The following NEXMIF variants were observed in gnomAD, a reference collection of about 807,000 sequenced individuals.
The protein encoded by NEXMIF is XLMR protein related to neurite extension.
In NEXMIF, 8 loss-of-function variants were observed where a neutral mutation model predicts 62.1. That is an observed-to-expected ratio of 0.13 (90% CI 0.08 to 0.23). The LOEUF is 0.23. Among genes scored for constraint, NEXMIF ranks in the 10% least tolerant of loss-of-function variants. NEXMIF has a pLI of 1.00. For synonymous variants in NEXMIF, 404 were observed against 416.6 expected, an observed-to-expected ratio of 0.97 and a Z score of 0.37; for missense variants, 976 against 1,113.3, an observed-to-expected ratio of 0.88 and a Z score of 1.75.
chrX:74,797,781 T>C (rs2080316810), intron 1 of NEXMIF, among the ~76,000 whole-genome samples: 1 of 111,933 alleles, frequency 8.9e-6, no homozygotes, highest in South Asian at 3.8e-4. Context: ...AAAGCTTTCC[T>C]TGGGCTTTCT....
At chrX:74,801,679 A>G (rs1428317210) in intron 1 of NEXMIF, among the ~76,000 whole-genome samples, 1 of 112,255 alleles carries the variant, frequency 8.9e-6, no homozygotes, top group African/African-American at 3.2e-5. Flanking sequence ...AGAAAAGCAA[A>G]GGGAAAAGTG....
intron 1 of NEXMIF, among the ~76,000 whole-genome samples, chrX:74,818,612 G>A (rs1459602340): frequency 8.9e-6 from 1 of 111,962 alleles, no homozygotes; most frequent in Non-Finnish European, 1.9e-5. Context: ...TGACATGTGG[G>A]ACCTAATTAA....
chrX:74,912,310 AACTC>A (rs2080793071), intron 1 of NEXMIF, among the ~76,000 whole-genome samples: 1 of 111,408 alleles, frequency 9.0e-6, no homozygotes, highest in African/African-American at 3.3e-5. Context: ...CCCTTTTCAC[AACTC>A]ACTCTTTTCT....
At chrX:74,810,991 C>T (rs191094249) in intron 1 of NEXMIF, among the ~76,000 whole-genome samples, 25 of 111,497 alleles carry the variant, frequency 2.2e-4, no homozygotes, top group African/African-American at 7.5e-4. Context: ...TATATATTAT[C>T]TCACTTAATA....
In NEXMIF at chrX:74,743,962, G is replaced by C; in HGVS notation, c.595C>G (p.Leu199Val). ...AAGCCTAGGAGCTGGTCTGAGAGCA[G>C]CTGCTCTCCATATTTCATATTTTCT... ...AGENMKYGEQ[L>V]LSDQLLGFPL... Residue 199 changes from leucine to valine, a missense_variant, in exon 3 of 4, where the codon CTG becomes GTG. Transcript: ENST00000055682. The C allele has an allele frequency of 1.7e-6, 2 of 1,211,327 alleles. No homozygotes were observed. Among genetic ancestry groups the C allele is most frequent in the Non-Finnish European group, 2.2e-6 (2 of 895,288 alleles).
chrX:74,764,015 G>A (rs770970171), intron 1 of NEXMIF, among the ~76,000 whole-genome samples: 5 of 111,589 alleles, frequency 4.5e-5, no homozygotes, highest in Admixed American at 3.8e-4. Context: ...TTGAATAGGA[G>A]TGGTGAGAGA....
intron 1 of NEXMIF, among the ~76,000 whole-genome samples, chrX:74,855,944 T>G (rs899207099): frequency 2.7e-5 from 3 of 112,046 alleles, no homozygotes; most frequent in African/African-American, 9.8e-5. Context: ...CCTGGGGAGA[T>G]AGGAAAAGAA....
intron 1 of NEXMIF, among the ~76,000 whole-genome samples, chrX:74,776,720 T>A: frequency 1.9e-5 from 1 of 51,429 alleles, no homozygotes; most frequent in Non-Finnish European, 3.4e-5. Context: ...AGAGCGAAAC[T>A]CAGTCTCAAA....
chrX:74,788,373 G>C (rs1267583702), intron 1 of NEXMIF, among the ~76,000 whole-genome samples: 1 of 111,256 alleles, frequency 9.0e-6, no homozygotes, highest in African/African-American at 3.3e-5. Context: ...ATTCATATTT[G>C]TATGATGTTA....
chrX:74,749,864 A>G (rs1375560255), intron 1 of NEXMIF, among the ~76,000 whole-genome samples: 1 of 112,266 alleles, frequency 8.9e-6, no homozygotes, highest in Non-Finnish European at 1.9e-5. Context: ...TGCTTATAAC[A>G]TGGTATGTAC....
chrX:74,794,948 C>G (rs747256289), intron 1 of NEXMIF, among the ~76,000 whole-genome samples: 1 of 111,945 alleles, frequency 8.9e-6, no homozygotes, highest in Non-Finnish European at 1.9e-5. Context: ...GTGTTGCTCA[C>G]GCTGGGAGCT....
chrX:74,914,346 G>T (rs1451296829), intron 1 of NEXMIF, among the ~76,000 whole-genome samples: 1 of 111,739 alleles, frequency 8.9e-6, no homozygotes, highest in African/African-American at 3.2e-5. Flanking sequence ...CCAGAGAAAT[G>T]AAAACTTATG....
At chrX:74,744,885 T>C in intron 2 of NEXMIF, among the ~76,000 whole-genome samples, 1 of 107,929 alleles carries the variant, frequency 9.3e-6, no homozygotes, top group Non-Finnish European at 1.9e-5. Flanking sequence ...TACAAGTTCC[T>C]TTTCTTTTCT....
chrX:74,799,578 T>C (rs1050747384), intron 1 of NEXMIF, among the ~76,000 whole-genome samples: 4 of 112,138 alleles, frequency 3.6e-5, no homozygotes, highest in Non-Finnish European at 3.8e-5. Flanking sequence ...CTTCCTCAAA[T>C]TGAGGGATCT....
chrX:74,819,870 A>G (rs964006139), intron 1 of NEXMIF, among the ~76,000 whole-genome samples: 1 of 112,128 alleles, frequency 8.9e-6, no homozygotes, highest in African/African-American at 3.2e-5. Context: ...TCATGCTACT[A>G]TAAAGACACA....
At chrX:74,752,322 G>A (rs1007709215) in intron 1 of NEXMIF, among the ~76,000 whole-genome samples, 7 of 110,595 alleles carry the variant, frequency 6.3e-5, no homozygotes, top group Non-Finnish European at 1.3e-4. Context: ...TGCTGGCGGC[G>A]ACAGGGCTCC....
intron 1 of NEXMIF, among the ~76,000 whole-genome samples, chrX:74,909,772 G>A (rs1177779085): frequency 2.7e-5 from 3 of 111,828 alleles, no homozygotes; most frequent in African/African-American, 9.8e-5. Context: ...TCTCCATGCT[G>A]TGTGCAGCCT....
chrX:74,741,733 C>T lies in NEXMIF; in HGVS notation c.2824G>A (p.Gly942Ser). Residue 942 changes from glycine to serine, a missense_variant, in exon 3 of 4, where the codon GGC (glycine) becomes AGC (serine). By Grantham distance (56) the Gly-to-Ser change is moderately conservative. This residue lies in a region of NEXMIF where 639 missense variants were observed against 694.5 expected (regional missense o/e 0.92). Transcript: ENST00000055682. ...TYNPICLNSG[G>S]SNCNKVLYDS... is the part of the protein sequence containing the mutation. ...TACAGGACCTTGTTGCAATTACTGC[C>T]ACCACTATTGAGACAGATTGGATTG... 1 of 1,211,166 alleles carries T rather than the reference C, an allele frequency of 8.3e-7. No homozygotes were observed. Among genetic ancestry groups the T allele is most frequent in the Non-Finnish European group, 1.1e-6 (1 of 894,982 alleles).
intron 1 of NEXMIF, among the ~76,000 whole-genome samples, chrX:74,747,930 T>C (rs1450858328): frequency 1.8e-5 from 2 of 112,408 alleles, no homozygotes; most frequent in East Asian, 5.6e-4. Context: ...TCCAGTCTTT[T>C]CAGGCAGGAC....
Sources: allele counts gnomAD v4.1 joint callset (sites outside exome capture counted in the v4.1 genomes callset), GRCh38; gene constraint gnomAD v4.1.1; regional missense constraint gnomAD v4.1.1; transcripts MANE v1.5; gene names NCBI Gene and HGNC (gene_info 2026-07-23, HGNC 2026-07-21).